The following KIF6 variants were observed in gnomAD, a reference collection of about 807,000 sequenced individuals.
The protein encoded by KIF6 is kinesin-like protein KIF6.
A neutral mutation model predicts 112.7 loss-of-function variants in KIF6; 106 were observed. The ratio of observed to expected loss-of-function variants is 0.94; its 90% CI spans 0.80 to 1.11. The LOEUF (loss-of-function observed/expected upper bound fraction) is 1.11. KIF6 is among the 50% of genes least tolerant of loss of function. The pLI is 0.00. For synonymous variants in KIF6, 339 were observed against 339.9 expected (o/e 1.00, Z 0.03); for missense variants, 929 against 964.0 (o/e 0.96, Z 0.48).
intron 1 of KIF6, among the ~76,000 whole-genome samples, chr6:39,724,762 A>G (rs1790437054): frequency 6.6e-6 from 1 of 152,146 alleles, no homozygotes; most frequent in African/African-American, 2.4e-5. Context: ...TGCTTTGTGC[A>G]TTTGTGTCTA....
chr6:39,610,635 T>C (rs549242419), intron 6 of KIF6, among the ~76,000 whole-genome samples: 6 of 152,358 alleles, frequency 3.9e-5, no homozygotes, highest in Non-Finnish European at 7.3e-5. Flanking sequence ...TTTCTAGTGG[T>C]TGACAGTTAC....
rs546669368 is a variant in KIF6, at chr6:39,335,913, G to A, written c.*619C>T. ...GACCCTGCAGGGCAGATGGCTCCCT[G>A]GAGACACAGCTGTTCAGGCACTGCC... On this transcript the variant is annotated 3_prime_UTR_variant, in exon 23 of 23. Transcript: ENST00000287152. 9.8e-5 allele frequency: 15 copies of A among 152,644 alleles called. No homozygotes were observed. Among genetic ancestry groups the A allele is most frequent in the Middle Eastern group, 6.8e-3 (2 of 294 alleles). 9.5% of individuals were successfully genotyped at this position (152,644 alleles called of 1,614,324 possible).
intron 16 of KIF6, among the ~76,000 whole-genome samples, chr6:39,377,342 C>T (rs115339699): frequency 6.6e-6 from 1 of 151,412 alleles, no homozygotes; most frequent in Non-Finnish European, 1.5e-5. Flanking sequence ...AGCCACTGTG[C>T]CTGCCCTGCC....
chr6:39,519,905 C>T (rs542960164), intron 13 of KIF6, among the ~76,000 whole-genome samples: 10 of 152,102 alleles, frequency 6.6e-5, no homozygotes, highest in African/African-American at 2.2e-4. Flanking sequence ...ATCTGTAGTC[C>T]CAGCTACTCC....
At chr6:39,583,319 C>A in intron 9 of KIF6, 17 of 457,562 alleles carry the variant, frequency 3.7e-5, no homozygotes, top group South Asian at 2.7e-4. Flanking sequence ...TCCACCCTAG[C>A]AGTTCAGTTC....
intron 13 of KIF6, among the ~76,000 whole-genome samples, chr6:39,491,477 T>A (rs2150476615): frequency 6.6e-6 from 1 of 152,292 alleles, no homozygotes; most frequent in Middle Eastern, 3.4e-3. Context: ...TCAGAGATAA[T>A]AATAGTAGTG....
intron 13 of KIF6, among the ~76,000 whole-genome samples, chr6:39,493,928 T>C (rs1038240251): frequency 6.6e-6 from 1 of 152,216 alleles, no homozygotes; most frequent in Non-Finnish European, 1.5e-5. Context: ...TGGTGAGGTC[T>C]TGGCATCTTT....
intron 5 of KIF6, among the ~76,000 whole-genome samples, chr6:39,625,907 A>G (rs1317053352): frequency 6.6e-6 from 1 of 152,162 alleles, no homozygotes; most frequent in African/African-American, 2.4e-5. Flanking sequence ...GAGGAAATTC[A>G]TGTTTGACAG....
At position 39,590,630 on chromosome 6, in the gene KIF6, T is replaced by C. The variant is rs995971380; in HGVS notation, c.847-4226A>G. 2.2e-4 allele frequency among the ~76,000 whole-genome samples: 33 copies of C among 151,892 alleles called. 1 individual carries two copies. The highest frequency in any genetic ancestry group is 7.5e-4 in the African/African-American group (31 of 41,398). On this transcript the variant is annotated intron_variant, in intron 7 of 22. Transcript: ENST00000287152. ...CCATGCCCAACTAATTTTGTATTTTTAGTAGAGATGGAGTTTCACCATGTT... is the reference window on the plus strand; with the variant it reads ...CCATGCCCAACTAATTTTGTATTTTCAGTAGAGATGGAGTTTCACCATGTT...
chr6:39,546,825 C>CA (rs35366749), intron 10 of KIF6, among the ~76,000 whole-genome samples: 12,243 of 103,950 alleles, frequency 0.12, 780 homozygotes, highest in African/African-American at 0.2. Context: ...GACCCTGTCT[C>CA]AAAAAAAAAA....
intron 3 of KIF6, among the ~76,000 whole-genome samples, chr6:39,677,287 A>G (rs984697618): frequency 2.0e-5 from 3 of 152,086 alleles, no homozygotes; most frequent in African/African-American, 7.2e-5. Context: ...CTCATAACAC[A>G]ACCTCCAAAT....
At chr6:39,402,836 A>G (rs1428966181) in intron 15 of KIF6, among the ~76,000 whole-genome samples, 1 of 152,192 alleles carries the variant, frequency 6.6e-6, no homozygotes, top group Non-Finnish European at 1.5e-5. Context: ...TTACAGATGT[A>G]CATAAATTAC....
chr6:39,580,176 C>T (rs1292170590), intron 9 of KIF6, among the ~76,000 whole-genome samples: 1 of 151,994 alleles, frequency 6.6e-6, no homozygotes, highest in African/African-American at 2.4e-5. Flanking sequence ...CAATAAGGAT[C>T]TATAATTTTC....
intron 2 of KIF6, among the ~76,000 whole-genome samples, chr6:39,719,101 T>C (rs1289664277): frequency 6.6e-6 from 1 of 152,174 alleles, no homozygotes; most frequent in Admixed American, 6.5e-5. Flanking sequence ...GGTGGATCAC[T>C]TGAGATCAGA....
chr6:39,670,920 T>G (rs1277615797), intron 3 of KIF6, among the ~76,000 whole-genome samples: 3 of 152,194 alleles, frequency 2.0e-5, no homozygotes, highest in Non-Finnish European at 4.4e-5. Context: ...TAGTTAACAC[T>G]TAGTTAAACA....
At chr6:39,367,853 TG>T (rs1765686246) in intron 16 of KIF6, among the ~76,000 whole-genome samples, 1 of 152,198 alleles carries the variant, frequency 6.6e-6, no homozygotes, top group Admixed American at 6.5e-5. Context: ...GGTTCTCAAC[TG>T]GGGGTGCACA....
chr6:39,591,420 A>G lies in KIF6; in HGVS notation c.846+4634T>C, dbSNP rs200891231. Among the ~76,000 whole-genome samples, 27 of 152,346 alleles carry G rather than the reference A, an allele frequency of 1.8e-4. No individual in the cohort carries two copies. In the East Asian group the frequency reaches 5.0e-3, roughly 28 times the overall value. Reference sequence around the variant, plus strand: ...AGTGAGCCTCAGTTCCCTCACTCGTAAAAGTGGTATTGGAATGTCTATCTC... The same window carrying G: ...AGTGAGCCTCAGTTCCCTCACTCGTGAAAGTGGTATTGGAATGTCTATCTC... On this transcript the variant is annotated intron_variant, in intron 7 of 22. Transcript: ENST00000287152.
chr6:39,664,868 T>C (rs1444675630), intron 3 of KIF6, among the ~76,000 whole-genome samples: 1 of 152,192 alleles, frequency 6.6e-6, no homozygotes, highest in Non-Finnish European at 1.5e-5. Context: ...AAATATTCTC[T>C]AAAAGATATT....
intron 19 of KIF6, 39 bp downstream of exon 19, chr6:39,357,238 T>A (rs769555494): frequency 7.3e-7 from 1 of 1,367,836 alleles, no homozygotes; most frequent in African/African-American, 1.5e-5. Flanking sequence ...GGGAGCCTTT[T>A]CTGGGAACTC....
Sources: allele counts gnomAD v4.1 joint callset (sites outside exome capture counted in the v4.1 genomes callset), GRCh38; gene constraint gnomAD v4.1.1; transcripts MANE v1.5; gene names NCBI Gene and HGNC (gene_info 2026-07-23, HGNC 2026-07-21).